SRL: variants seen among roughly 807,000 people sequenced by gnomAD.
SRL encodes the protein sarcalumenin.
In SRL, 23 loss-of-function variants were observed where a neutral mutation model predicts 39.5. That is an observed-to-expected ratio of 0.58 (90% CI 0.42 to 0.82). The LOEUF is 0.82. SRL is among the 40% of genes least tolerant of loss of function. The probability of loss-of-function intolerance (pLI) is 0.00; values close to 1 mark genes in which losing one functional copy is unlikely to be tolerated. For missense variants in SRL, 592 were observed against 607.8 expected (o/e 0.97, Z 0.27); for synonymous variants, 272 against 237.4 (o/e 1.15, Z -1.34).
intron 5 of SRL, among the ~76,000 whole-genome samples, chr16:4,195,175 GT>G (rs2052119324): frequency 6.6e-6 from 1 of 152,128 alleles, no homozygotes; most frequent in Admixed American, 6.6e-5. Context: ...GATTACAGGT[GT>G]GAGCCACTGT....
intron 1 of SRL, among the ~76,000 whole-genome samples, chr16:4,212,984 C>T (rs1331401125): frequency 6.6e-6 from 1 of 152,186 alleles, no homozygotes; most frequent in African/African-American, 2.4e-5. Flanking sequence ...CAAGGGCCCT[C>T]GTGAGTCCAA....
intron 1 of SRL, among the ~76,000 whole-genome samples, chr16:4,235,562 G>A (rs1265322371): frequency 6.6e-6 from 1 of 152,054 alleles, no homozygotes; most frequent in Admixed American, 6.6e-5. Context: ...TTAGCTGGGT[G>A]TGGTGACACA....
At chr16:4,223,280 C>T (rs894730231) in intron 1 of SRL, among the ~76,000 whole-genome samples, 10 of 149,634 alleles carry the variant, frequency 6.7e-5, no homozygotes, top group South Asian at 6.4e-4. Flanking sequence ...GTTTGGGGCT[C>T]GATGATTGAA....
rs143134374 is a variant in SRL, at chr16:4,200,517, G to A, written c.260-2602C>T. 3.9e-4 allele frequency among the ~76,000 whole-genome samples: 60 copies of A among 152,334 alleles called. 1 individual carries two copies. Among genetic ancestry groups the A allele is most frequent in the African/African-American group, 1.4e-3 (58 of 41,576 alleles). ...GAACCAAGCCCAAAAGGTGAGTGCAGGGGCAAGGAAGCGGGACCTCCCTGC... is the reference window on the plus strand; with the variant it reads ...GAACCAAGCCCAAAAGGTGAGTGCAAGGGCAAGGAAGCGGGACCTCCCTGC... On this transcript the variant is annotated intron_variant, in intron 3 of 5. Transcript: ENST00000399609.
intron 1 of SRL, among the ~76,000 whole-genome samples, chr16:4,237,691 C>G (rs1391564680): frequency 2.0e-5 from 3 of 152,164 alleles, no homozygotes; most frequent in Admixed American, 2.0e-4. Flanking sequence ...CTCCCCTTCC[C>G]TGGGTCTCAC....
chr16:4,240,170 G>T (rs917552650), intron 1 of SRL, among the ~76,000 whole-genome samples: 1 of 152,154 alleles, frequency 6.6e-6, no homozygotes, highest in African/African-American at 2.4e-5. Context: ...AATATCTGCC[G>T]CCACCCAGCC....
rs2052070058 is a variant in SRL at position 4,191,904 on chromosome 16, G to T, written c.*249C>A. The T allele has an allele frequency of 4.5e-6, 2 of 444,724 alleles. No individual in the cohort carries two copies. The highest frequency in any genetic ancestry group is 3.9e-5 in the Admixed American group (1 of 25,782). 27.5% of individuals were successfully genotyped at this position (444,724 alleles called of 1,614,324 possible). ...CCAAGACAGGACCCAGGAAAAGCAG[G>T]TGGAGGCTGACTTGCCTCAATCAGG... is the stretch of plus-strand genomic sequence containing the variant. On this transcript the variant is annotated 3_prime_UTR_variant, in exon 6 of 6. Coordinates refer to ENST00000399609, the MANE Select transcript of SRL (RefSeq NM_001098814.2).
chr16:4,194,960 C>A (rs1427219613), intron 5 of SRL, among the ~76,000 whole-genome samples: 2 of 151,908 alleles, frequency 1.3e-5, no homozygotes, highest in Non-Finnish European at 2.9e-5. Context: ...AGTAGCATGA[C>A]CACAGCTCAC....
Position 4,192,713 on chromosome 16 carries a change from C to A in SRL, c.862G>T (p.Val288Phe). 6.2e-7 allele frequency: 1 copy of A among 1,614,160 alleles called. No homozygotes were observed. The highest frequency in any genetic ancestry group is 1.1e-5 in the South Asian group (1 of 91,086). Residue 288 changes from valine (V) to phenylalanine (F), a missense_variant, in exon 6 of 6, where the codon GTT becomes TTT. Physicochemically the swap from Val to Phe is conservative, Grantham distance 50. Coordinates refer to ENST00000399609, the MANE Select transcript of SRL (RefSeq NM_001098814.2). The surrounding 1 kb of genome is among the most constrained non-coding windows in gnomAD (Gnocchi z 4.0). ...PLINVTEPPR[V>F]YVSSFWPQEY... ...TGTGGCCAGAAGGAGCTGACGTAAA[C>A]CCTTGGGGGCTCTGTGACATTGATG...
intron 4 of SRL, among the ~76,000 whole-genome samples, chr16:4,197,261 G>A (rs9938708): frequency 2.6e-5 from 4 of 151,050 alleles, no homozygotes; most frequent in Admixed American, 6.6e-5. Context: ...GTAGAGACGG[G>A]GTTTCACCAT....
chr16:4,238,165 T>A (rs575907535), intron 1 of SRL, among the ~76,000 whole-genome samples: 45 of 152,344 alleles, frequency 3.0e-4, no homozygotes, highest in African/African-American at 1.0e-3. Flanking sequence ...TATGCTGCGA[T>A]GAGGCCTGGA....
chr16:4,196,770 C>T (rs540577577), intron 4 of SRL, among the ~76,000 whole-genome samples: 4 of 152,114 alleles, frequency 2.6e-5, no homozygotes, highest in African/African-American at 9.6e-5. Flanking sequence ...TGAGCCACCG[C>T]GCCCAGCCGC....
At chr16:4,219,004 C>T (rs967639004) in intron 1 of SRL, among the ~76,000 whole-genome samples, 18 of 152,386 alleles carry the variant, frequency 1.2e-4, no homozygotes, top group East Asian at 3.9e-4. Flanking sequence ...TGGGCCCCAC[C>T]GCCAGGTCCT....
intron 1 of SRL, among the ~76,000 whole-genome samples, chr16:4,239,208 G>A (rs183873473): frequency 9.8e-5 from 15 of 152,316 alleles, no homozygotes; most frequent in South Asian, 6.2e-4. Context: ...AGAAAGGGGC[G>A]GGGAAACAGC....
At chr16:4,196,216 T>C (rs1338301726) in intron 4 of SRL, among the ~76,000 whole-genome samples, 2 of 152,084 alleles carry the variant, frequency 1.3e-5, no homozygotes, top group East Asian at 3.9e-4. Flanking sequence ...CACCTTGGCC[T>C]CCCGAAGTGC....
chr16:4,193,371 A>C (rs2052093889), intron 5 of SRL, among the ~76,000 whole-genome samples: 1 of 152,240 alleles, frequency 6.6e-6, no homozygotes, highest in Non-Finnish European at 1.5e-5. Context: ...CCAAGTTTCC[A>C]AGAAAGCTAA....
intron 1 of SRL, among the ~76,000 whole-genome samples, chr16:4,210,058 T>C (rs1321574079): frequency 6.6e-6 from 1 of 152,158 alleles, no homozygotes; most frequent in Non-Finnish European, 1.5e-5. Flanking sequence ...AATTCTGTGT[T>C]CCCAGGGCCT....
Position 4,192,836 on chromosome 16 carries a change from C to G in SRL, c.739G>C (p.Glu247Gln), listed in dbSNP as rs750107893. Residue 247 changes from glutamate to glutamine, a missense_variant, in exon 6 of 6, where the codon GAA becomes CAA. Coordinates refer to ENST00000399609, the MANE Select transcript of SRL (RefSeq NM_001098814.2). The surrounding 1 kb of genome is among the most constrained non-coding windows in gnomAD (Gnocchi z 4.0). ...EMLFRQLKGR[E>Q]SQIRIILNKA... The stretch of plus-strand genomic sequence containing the variant: ...TTCAGGATGATCCTTATCTGGGATT[C>G]ACGCCCCTTCAACTGGCGGAAGAGC... The G allele has an allele frequency of 1.9e-6, 3 of 1,614,168 alleles. No homozygotes were observed. The Admixed American group carries it at 5.0e-5, about 27-fold the overall frequency.
chr16:4,200,704 G>A (rs1037620772), intron 3 of SRL, among the ~76,000 whole-genome samples: 4 of 152,190 alleles, frequency 2.6e-5, no homozygotes, highest in South Asian at 2.1e-4. Flanking sequence ...CACTACAAAG[G>A]GGGGCGATAA....
Sources: gnomAD v4.1 joint callset for allele counts (sites outside exome capture counted in the v4.1 genomes callset) on GRCh38, gnomAD v4.1.1 for gene constraint, Gnocchi (gnomAD v3.1) non-coding constraint, MANE v1.5 for transcripts, NCBI Gene and HGNC (gene_info 2026-07-23, HGNC 2026-07-21) for gene names.